FBLN7: variants seen among roughly 807,000 people sequenced by gnomAD.
The protein encoded by FBLN7 is fibulin 7.
Under a neutral mutation model 44.0 loss-of-function variants are expected in FBLN7, and 31 were observed. The observed-to-expected ratio is 0.70, with a 90% confidence interval of 0.53 to 0.95. The LOEUF (loss-of-function observed/expected upper bound fraction) is 0.95. Ranked by LOEUF, FBLN7 falls within the 40% of genes least tolerant of loss-of-function variation. FBLN7 has a pLI of 0.00. For synonymous variants in FBLN7, 262 were observed against 253.4 expected (o/e 1.03, Z -0.32); for missense variants, 573 against 618.5 (o/e 0.93, Z 0.78).
intron 1 of FBLN7, among the ~76,000 whole-genome samples, chr2:112,157,444 G>GTGTCTCC (rs1172953393): frequency 6.6e-6 from 1 of 152,056 alleles, no homozygotes; most frequent in Non-Finnish European, 1.5e-5. Flanking sequence ...TCGTCTTGAT[G>GTGTCTCC]TGTCTCCTGT....
chr2:112,182,130 G>C (rs1394553169), intron 5 of FBLN7: 2 of 504,930 alleles, frequency 4.0e-6, no homozygotes, highest in Middle Eastern at 3.4e-4. Context: ...CTTGGTTCAG[G>C]AGAGCCTTGA....
At chr2:112,215,595 A>G in the FBLN7 span, 6 of 152,344 alleles carry the variant, frequency 3.9e-5, no homozygotes, top group Non-Finnish European at 8.8e-5. Flanking sequence ...ACTTTTCCCA[A>G]CAATAAAACA....
chr2:112,181,968 G>T, intron 5 of FBLN7, 92 bp downstream of exon 5: 4 of 1,440,398 alleles, frequency 2.8e-6, no homozygotes, highest in East Asian at 2.9e-5. Context: ...CTGCCGGCAC[G>T]GGTGGCTTCC....
At chr2:112,206,733 GT>G in the FBLN7 span, among the ~76,000 whole-genome samples, 381 of 122,964 alleles carry the variant, frequency 3.1e-3, 1 homozygote, top group East Asian at 4.4e-3. Flanking sequence ...CTTATTGACT[GT>G]TTTTTTTTTT....
At chr2:112,229,015 G>A in the FBLN7 span, among the ~76,000 whole-genome samples, 5 of 152,216 alleles carry the variant, frequency 3.3e-5, no homozygotes, top group African/African-American at 1.2e-4. Flanking sequence ...CACTCCTACT[G>A]GAAAAGCTAT....
At chr2:112,184,146 G>A (rs116204548) in intron 6 of FBLN7, among the ~76,000 whole-genome samples, 1,770 of 152,304 alleles carry the variant, frequency 0.012, 39 homozygotes, top group African/African-American at 0.038. Flanking sequence ...TTCTGCTCCT[G>A]CAGGCATACC....
chr2:112,187,339 G>A lies in FBLN7; in HGVS notation c.1153G>A (p.Val385Met). ...IVGGNSRGHF[V>M]MQRSDRQTGD... ...GGGTGGGAACAGCCGCGGCCACTTT[G>A]TGATGCAGCGTTCAGACCGGCAGAC... Residue 385 changes from valine to methionine, a missense_variant, in exon 8 of 8, where the codon GTG (valine) becomes ATG (methionine). Transcript: ENST00000331203. This position sits in a 1 kb window ranked among gnomAD's most constrained non-coding sequence, Gnocchi z 5.1. 1 of 1,614,196 alleles carries A rather than the reference G, an allele frequency of 6.2e-7. No homozygotes were observed. The highest frequency in any genetic ancestry group is 8.5e-7 in the Non-Finnish European group (1 of 1,180,052).
At chr2:112,241,781 T>G in the FBLN7 span, among the ~76,000 whole-genome samples, 3 of 152,226 alleles carry the variant, frequency 2.0e-5, no homozygotes, top group African/African-American at 7.2e-5. Context: ...GGTCTTAATA[T>G]TCAGTGTATT....
At chr2:112,145,634 C>A (rs777162117) in intron 1 of FBLN7, among the ~76,000 whole-genome samples, 6 of 152,098 alleles carry the variant, frequency 3.9e-5, no homozygotes, top group African/African-American at 1.4e-4. Context: ...CTTGGCCTAA[C>A]CTCAGGTCAT....
the FBLN7 span, among the ~76,000 whole-genome samples, chr2:112,194,348 G>T: frequency 1.3e-5 from 2 of 152,194 alleles, no homozygotes; most frequent in African/African-American, 4.8e-5. Flanking sequence ...GCTTGGTAAA[G>T]CTGAGGCAGT....
chr2:112,235,263 T>TATAA, the FBLN7 span, among the ~76,000 whole-genome samples: 1 of 152,228 alleles, frequency 6.6e-6, no homozygotes, highest in Non-Finnish European at 1.5e-5. Flanking sequence ...ATTTATGTCT[T>TATAA]ATAAATATCT....
chr2:112,205,628 C>T, the FBLN7 span, among the ~76,000 whole-genome samples: 9 of 152,178 alleles, frequency 5.9e-5, no homozygotes, highest in Non-Finnish European at 8.8e-5. Flanking sequence ...ATCAGTTGCT[C>T]ATATTTGTGT....
At chr2:112,158,118 C>T (rs1047026038) in intron 1 of FBLN7, among the ~76,000 whole-genome samples, 4 of 150,612 alleles carry the variant, frequency 2.7e-5, no homozygotes, top group East Asian at 2.0e-4. Flanking sequence ...AGGATGGTCT[C>T]GATCTCCTGA....
At chr2:112,219,319 C>T in the FBLN7 span, among the ~76,000 whole-genome samples, 1 of 152,098 alleles carries the variant, frequency 6.6e-6, no homozygotes, top group Non-Finnish European at 1.5e-5. Flanking sequence ...AGTACCAAGA[C>T]CATTCAATGA....
At chr2:112,140,146 G>A (rs530382473) in intron 1 of FBLN7, among the ~76,000 whole-genome samples, 30 of 114,264 alleles carry the variant, frequency 2.6e-4, no homozygotes, top group Non-Finnish European at 4.5e-4. Flanking sequence ...CTCTCTCCAC[G>A]CCAGTGTCCC....
At chr2:112,148,464 C>T (rs1218908598) in intron 1 of FBLN7, among the ~76,000 whole-genome samples, 1 of 152,204 alleles carries the variant, frequency 6.6e-6, no homozygotes, top group African/African-American at 2.4e-5. Flanking sequence ...ATATTTGGTG[C>T]CTACAATGGC....
chr2:112,239,579 CTTTTT>C, the FBLN7 span, among the ~76,000 whole-genome samples: 50 of 86,484 alleles, frequency 5.8e-4, no homozygotes, highest in African/African-American at 1.7e-3. Context: ...TAACAGTTTA[CTTTTT>C]TTTTTTTTTT....
chr2:112,222,359 G>T, the FBLN7 span, among the ~76,000 whole-genome samples: 2 of 152,162 alleles, frequency 1.3e-5, no homozygotes, highest in African/African-American at 2.4e-5. Flanking sequence ...TCTAGCAGGT[G>T]TGGCCTGGCC....
the FBLN7 span, chr2:112,238,347 G>A: frequency 6.2e-7 from 1 of 1,613,602 alleles, no homozygotes; most frequent in Admixed American, 1.7e-5. Flanking sequence ...TTCTTTCTTT[G>A]TAGATTCTTC....
Sources: allele counts gnomAD v4.1 joint callset (sites outside exome capture counted in the v4.1 genomes callset), GRCh38; gene constraint gnomAD v4.1.1; non-coding constraint Gnocchi (gnomAD v3.1); transcripts MANE v1.5; gene names NCBI Gene and HGNC (gene_info 2026-07-23, HGNC 2026-07-21).